Variants in PALM2AKAP2 observed in about 807,000 individuals in gnomAD.
The protein encoded by PALM2AKAP2 is PALM2-AKAP2 fusion protein.
In PALM2AKAP2, 37 loss-of-function variants were observed where a neutral mutation model predicts 71.5. The observed-to-expected ratio is 0.52, with a 90% CI of 0.40 to 0.68. PALM2AKAP2 has a LOEUF of 0.68. Ranked by LOEUF, PALM2AKAP2 falls within the 30% of genes least tolerant of loss-of-function variation. The pLI is 0.00. For synonymous variants in PALM2AKAP2, 468 were observed against 478.8 expected, an observed-to-expected ratio of 0.98 and a Z score of 0.29; for missense variants, 1,224 against 1,191.8, an observed-to-expected ratio of 1.03 and a Z score of -0.40.
chr9:109,711,774 C>T (rs1001333147), intron 1 of PALM2AKAP2, among the ~76,000 whole-genome samples: 4 of 152,210 alleles, frequency 2.6e-5, no homozygotes, highest in Non-Finnish European at 4.4e-5. Flanking sequence ...GGAAATCCTT[C>T]GGGGTACTCT....
At chr9:109,865,901 G>C (rs1299826873) in intron 1 of PALM2AKAP2, among the ~76,000 whole-genome samples, 5 of 152,172 alleles carry the variant, frequency 3.3e-5, no homozygotes, top group Non-Finnish European at 2.9e-5. Context: ...GATGTGGGCT[G>C]TTCCCACTGT....
At chr9:110,094,630 T>G (rs1834792476) in intron 1 of PALM2AKAP2, among the ~76,000 whole-genome samples, 1 of 149,288 alleles carries the variant, frequency 6.7e-6, no homozygotes, top group African/African-American at 2.5e-5. Flanking sequence ...AACAACAAGA[T>G]CTTGTGAGAA....
intron 1 of PALM2AKAP2, among the ~76,000 whole-genome samples, chr9:109,700,727 A>G (rs1828041971): frequency 6.6e-6 from 1 of 152,186 alleles, no homozygotes; most frequent in Admixed American, 6.5e-5. Flanking sequence ...ATTTATTTGA[A>G]AATTTTTGCT....
chr9:109,831,822 TC>T (rs1482319081), intron 1 of PALM2AKAP2, among the ~76,000 whole-genome samples: 2 of 152,064 alleles, frequency 1.3e-5, no homozygotes, highest in South Asian at 4.2e-4. Context: ...GCTGCATTAG[TC>T]CCTTTTTTTT....
exon 2 of PALM2AKAP2, chr9:110,138,492 A>G (rs1388506530): frequency 6.2e-7 from 1 of 1,613,710 alleles, no homozygotes; most frequent in Admixed American, 1.7e-5. Flanking sequence ...CCCAGGACAA[A>G]GAATGCCCCA....
intron 1 of PALM2AKAP2, among the ~76,000 whole-genome samples, chr9:110,066,542 T>G (rs1396377254): frequency 6.6e-6 from 1 of 151,946 alleles, no homozygotes; most frequent in Admixed American, 6.6e-5. Context: ...AAAAACAATT[T>G]AAAAACTTAG....
chr9:110,005,754 G>A (rs187720005), intron 6 of PALM2AKAP2, among the ~76,000 whole-genome samples: 2,825 of 152,248 alleles, frequency 0.019, 97 homozygotes, highest in African/African-American at 0.065. Flanking sequence ...CCTCGCTGCC[G>A]CCTTGCAGTT....
intron 1 of PALM2AKAP2, among the ~76,000 whole-genome samples, chr9:109,646,941 T>C (rs1827164267): frequency 6.6e-6 from 1 of 152,274 alleles, no homozygotes; most frequent in Non-Finnish European, 1.5e-5. Context: ...ATTTCTATGA[T>C]GAAAGTAATG....
At chr9:110,123,365 A>G (rs994979849) in intron 1 of PALM2AKAP2, among the ~76,000 whole-genome samples, 1 of 152,122 alleles carries the variant, frequency 6.6e-6, no homozygotes, top group African/African-American at 2.4e-5. Context: ...CTTGGCTTAT[A>G]AGTAGTTGTG....
intron 3 of PALM2AKAP2, among the ~76,000 whole-genome samples, chr9:110,157,895 A>G (rs539144211): frequency 6.6e-6 from 1 of 152,230 alleles, no homozygotes; most frequent in South Asian, 2.1e-4. Context: ...GCGGTAAAGA[A>G]AGGAAGAAAG....
At chr9:109,729,198 C>A (rs1302598542) in intron 1 of PALM2AKAP2, among the ~76,000 whole-genome samples, 1 of 152,156 alleles carries the variant, frequency 6.6e-6, no homozygotes, top group Admixed American at 6.5e-5. Flanking sequence ...CCTCATAAAG[C>A]CTTTCCTCCG....
intron 1 of PALM2AKAP2, among the ~76,000 whole-genome samples, chr9:110,077,637 A>G (rs888545485): frequency 1.3e-5 from 2 of 152,178 alleles, no homozygotes; most frequent in African/African-American, 4.8e-5. Context: ...CAAATTTTGA[A>G]TAAACCCAGT....
At chr9:110,122,070 A>T (rs962364071) in intron 1 of PALM2AKAP2, among the ~76,000 whole-genome samples, 12 of 152,088 alleles carry the variant, frequency 7.9e-5, no homozygotes, top group African/African-American at 2.7e-4. Flanking sequence ...TACATTACAG[A>T]CACTTCTTAA....
chr9:109,868,521 C>G (rs180921610), intron 2 of PALM2AKAP2, among the ~76,000 whole-genome samples: 1 of 152,034 alleles, frequency 6.6e-6, no homozygotes, highest in Non-Finnish European at 1.5e-5. Flanking sequence ...GGGTGATGCT[C>G]GGTATGAATT....
At chr9:109,829,696 C>T (rs963107372) in intron 1 of PALM2AKAP2, among the ~76,000 whole-genome samples, 11 of 151,678 alleles carry the variant, frequency 7.3e-5, no homozygotes, top group Non-Finnish European at 1.5e-4. Flanking sequence ...CTGGCCAGAG[C>T]GTCATTTGAG....
intron 3 of PALM2AKAP2, among the ~76,000 whole-genome samples, chr9:109,921,385 T>C (rs1381400618): frequency 2.6e-5 from 4 of 152,360 alleles, no homozygotes; most frequent in African/African-American, 9.6e-5. Context: ...CCAGCATCCC[T>C]GGCCTCTACC....
intron 1 of PALM2AKAP2, among the ~76,000 whole-genome samples, chr9:109,819,998 T>G (rs1187470907): frequency 6.6e-6 from 1 of 152,156 alleles, no homozygotes; most frequent in Admixed American, 6.5e-5. Context: ...GTTCGGAGTA[T>G]GGAATATGAT....
At chr9:109,787,388 A>G (rs940581209) in intron 1 of PALM2AKAP2, among the ~76,000 whole-genome samples, 1 of 152,254 alleles carries the variant, frequency 6.6e-6, no homozygotes, top group African/African-American at 2.4e-5. Context: ...AAAGAGTGAA[A>G]GGAGAATTTT....
At chr9:110,055,705 C>T (rs575487600) in intron 1 of PALM2AKAP2, among the ~76,000 whole-genome samples, 52 of 152,286 alleles carry the variant, frequency 3.4e-4, no homozygotes, top group Non-Finnish European at 6.0e-4. Context: ...TATGGATAAA[C>T]AGTGATGCTA....
Sources: allele counts gnomAD v4.1 joint callset (sites outside exome capture counted in the v4.1 genomes callset), GRCh38; gene constraint gnomAD v4.1.1; transcripts MANE v1.5; gene names NCBI Gene and HGNC (gene_info 2026-07-23, HGNC 2026-07-21).